Variants in ACYP2 observed in about 807,000 individuals in gnomAD.
The protein encoded by ACYP2 is acylphosphatase-2.
In ACYP2, 12 loss-of-function variants were observed where a neutral mutation model predicts 11.2. The observed-to-expected ratio is 1.08, with a 90% CI of 0.69 to 1.74. The LOEUF (loss-of-function observed/expected upper bound fraction) is 1.74. ACYP2 is among the 40% of genes most tolerant of loss of function. ACYP2 has a pLI of 0.00. For missense variants in ACYP2, 134 were observed against 101.9 expected, an observed-to-expected ratio of 1.31 and a Z score of -1.35; for synonymous variants, 43 against 32.2, an observed-to-expected ratio of 1.33 and a Z score of -1.13.
At chr2:54,078,411 C>CATAT (rs56411409) in intron 4 of ACYP2, among the ~76,000 whole-genome samples, 9 of 144,490 alleles carry the variant, frequency 6.2e-5, no homozygotes, top group South Asian at 2.2e-4. Flanking sequence ...ATATGCGTAC[C>CATAT]ATATATGGTA....
At chr2:54,050,247 C>G (rs550061584) in intron 2 of ACYP2, among the ~76,000 whole-genome samples, 62 of 152,060 alleles carry the variant, frequency 4.1e-4, no homozygotes, top group African/African-American at 1.5e-3. Flanking sequence ...TATATTGTTT[C>G]CTTTAAAGTC....
chr2:54,227,086 A>G (rs1183447163), intron 6 of ACYP2, among the ~76,000 whole-genome samples: 1 of 152,164 alleles, frequency 6.6e-6, no homozygotes, highest in Non-Finnish European at 1.5e-5. Flanking sequence ...AATGTGAGTA[A>G]AATTTGGAAG....
chr2:54,139,128 C>G (rs1195644926), intron 6 of ACYP2, among the ~76,000 whole-genome samples: 1 of 152,174 alleles, frequency 6.6e-6, no homozygotes, highest in African/African-American at 2.4e-5. Context: ...GGGCTGGCCT[C>G]GAGAAGAATT....
chr2:54,191,882 G>C (rs1684256232), intron 6 of ACYP2, among the ~76,000 whole-genome samples: 1 of 152,004 alleles, frequency 6.6e-6, no homozygotes. Flanking sequence ...AACATATGTA[G>C]ACAGGTTTGC....
At chr2:54,196,501 T>A (rs1333089637) in intron 6 of ACYP2, among the ~76,000 whole-genome samples, 1 of 152,238 alleles carries the variant, frequency 6.6e-6, no homozygotes, top group South Asian at 2.1e-4. Context: ...TCTTCTGATG[T>A]GATTATTTCA....
chr2:54,071,965 C>A (rs900565660), intron 4 of ACYP2, among the ~76,000 whole-genome samples: 3 of 151,974 alleles, frequency 2.0e-5, no homozygotes, highest in Non-Finnish European at 4.4e-5. Flanking sequence ...GAGCTGAGAT[C>A]GCACCACTGC....
chr2:54,185,695 A>G (rs1358423664), intron 6 of ACYP2, among the ~76,000 whole-genome samples: 2 of 152,210 alleles, frequency 1.3e-5, no homozygotes, highest in African/African-American at 4.8e-5. Context: ...AACAATGCTG[A>G]GAACATTGAT....
chr2:53,973,887 G>GTATATATATATATTTTTTTTT (rs1671316574), intron 2 of ACYP2: 1 of 118,006 alleles, frequency 8.5e-6, no homozygotes, highest in African/African-American at 4.2e-5. Flanking sequence ...GTGTGTGTGT[G>GTATATATATATATTTTTTTTT]TGTGTGTGTG....
intron 6 of ACYP2, among the ~76,000 whole-genome samples, chr2:54,274,625 C>CAAAAAAA (rs70944155): frequency 9.0e-4 from 34 of 37,686 alleles, no homozygotes; most frequent in African/African-American, 3.9e-3. Context: ...GACTCCATCT[C>CAAAAAAA]AAAAAAAAAA....
At position 54,228,750 on chromosome 2, in the gene ACYP2, A is replaced by C. The variant is rs62139193; in HGVS notation, c.405-75938A>C. Among the ~76,000 whole-genome samples, 321 of 152,206 alleles carry C rather than the reference A, an allele frequency of 2.1e-3. 3 individuals are homozygous for C. The highest frequency in any genetic ancestry group is 0.012 in the South Asian group (60 of 4,814). On this transcript the variant is annotated intron_variant, in intron 6 of 6. Coordinates refer to ENST00000607452, the MANE Select transcript of ACYP2 (RefSeq NM_001320586.2). Reference sequence around the variant, plus strand: ...GAAGGGAGGGAGGGAGAGAAAGAAAAAGTCCATTCCAACAGGCACTGGGTA... The same window carrying C: ...GAAGGGAGGGAGGGAGAGAAAGAAACAGTCCATTCCAACAGGCACTGGGTA...
At chr2:53,998,728 A>G (rs1672678913) in intron 2 of ACYP2, among the ~76,000 whole-genome samples, 1 of 152,098 alleles carries the variant, frequency 6.6e-6, no homozygotes, top group African/African-American at 2.4e-5. Flanking sequence ...AGGATGGAGG[A>G]TGGCTTGAGC....
At chr2:54,228,425 G>A (rs926038188) in intron 6 of ACYP2, among the ~76,000 whole-genome samples, 2 of 152,146 alleles carry the variant, frequency 1.3e-5, no homozygotes, top group East Asian at 1.9e-4. Flanking sequence ...TCCCATTTTG[G>A]AGATGAAGAA....
intron 2 of ACYP2, among the ~76,000 whole-genome samples, chr2:54,046,410 C>T (rs57925923): frequency 0.068 from 10,048 of 147,544 alleles, 449 homozygotes; most frequent in East Asian, 0.27. Flanking sequence ...ACCTGGGAAG[C>T]GGAGGTTGCA....
chr2:54,136,463 A>T (rs1681243450), intron 5 of ACYP2, among the ~76,000 whole-genome samples: 1 of 152,058 alleles, frequency 6.6e-6, no homozygotes, highest in Admixed American at 6.6e-5. Flanking sequence ...ATATTTTCCC[A>T]CTGGTAAAAT....
intron 2 of ACYP2, among the ~76,000 whole-genome samples, chr2:54,001,139 G>A (rs917238384): frequency 6.6e-6 from 1 of 152,192 alleles, no homozygotes; most frequent in African/African-American, 2.4e-5. Flanking sequence ...AGGATTGATT[G>A]AGGTCAAGAC....
At chr2:54,113,494 C>T (rs1679568447) in intron 4 of ACYP2, among the ~76,000 whole-genome samples, 1 of 152,028 alleles carries the variant, frequency 6.6e-6, no homozygotes, top group Non-Finnish European at 1.5e-5. Flanking sequence ...TGTTCGCCAG[C>T]CTTGGCCTCC....
At chr2:53,984,792 A>G (rs1005042537) in intron 2 of ACYP2, among the ~76,000 whole-genome samples, 1 of 151,776 alleles carries the variant, frequency 6.6e-6, no homozygotes, top group African/African-American at 2.4e-5. Flanking sequence ...ACAAAACAAA[A>G]CCCAACATCT....
chr2:54,291,034 A>AT (rs1247329263), intron 6 of ACYP2, among the ~76,000 whole-genome samples: 1 of 152,104 alleles, frequency 6.6e-6, no homozygotes, highest in African/African-American at 2.4e-5. Context: ...GCTGTCTTAG[A>AT]TTCTTAACTT....
intron 6 of ACYP2, among the ~76,000 whole-genome samples, chr2:54,221,801 C>T (rs1302773812): frequency 6.6e-6 from 1 of 152,102 alleles, no homozygotes; most frequent in Non-Finnish European, 1.5e-5. Context: ...GGATTATAGA[C>T]ATAAGCCACC....
Sources: gnomAD v4.1 joint callset for allele counts (sites outside exome capture counted in the v4.1 genomes callset) on GRCh38, gnomAD v4.1.1 for gene constraint, MANE v1.5 for transcripts, NCBI Gene and HGNC (gene_info 2026-07-23, HGNC 2026-07-21) for gene names.